The following HERC1 variants were observed in gnomAD, a reference collection of about 807,000 sequenced individuals.
The protein encoded by HERC1 is probable E3 ubiquitin-protein ligase HERC1.
A neutral mutation model predicts 554.3 loss-of-function variants in HERC1; 160 were observed. The observed-to-expected ratio is 0.29, with a 90% CI of 0.25 to 0.33. The LOEUF (loss-of-function observed/expected upper bound fraction) is 0.33. HERC1 is among the 10% of genes least tolerant of loss of function. The pLI is 1.00. For synonymous variants in HERC1, 2,175 were observed against 2,131.7 expected (o/e 1.02, Z -0.56); for missense variants, 4,919 against 5,918.5 (o/e 0.83, Z 5.54).
chr15:63,740,892 G>A (rs542841264), intron 12 of HERC1, among the ~76,000 whole-genome samples: 1 of 152,126 alleles, frequency 6.6e-6, no homozygotes, highest in Non-Finnish European at 1.5e-5. Flanking sequence ...TTTCTTGAAA[G>A]TATCCTTTGA....
At chr15:63,669,400 C>T in intron 40 of HERC1, 138 bp downstream of exon 40, 1 of 754,792 alleles carries the variant, frequency 1.3e-6, no homozygotes, top group Non-Finnish European at 2.2e-6. Flanking sequence ...GATCATAGCT[C>T]AGTTTAATGG....
intron 48 of HERC1, among the ~76,000 whole-genome samples, chr15:63,658,215 G>T (rs1424278541): frequency 6.6e-6 from 1 of 152,148 alleles, no homozygotes; most frequent in Non-Finnish European, 1.5e-5. Flanking sequence ...GGCTGACTTA[G>T]CTACACAGAC....
chr15:63,680,390 T>C lies in HERC1; in HGVS notation c.6465+147A>G. 1.1e-6 allele frequency: 1 copy of C among 918,534 alleles called. No individual in the cohort carries two copies. The highest frequency in any genetic ancestry group is 2.6e-5 in the East Asian group (1 of 37,858). 56.9% of individuals were successfully genotyped at this position (918,534 alleles called of 1,614,324 possible). ...GTTTTACTATCTTCCTGTTTGTTGT[T>C]AATAAATGTTTTAAGAACCAGAAAG... On this transcript the variant is annotated intron_variant, in intron 35 of 77. Coordinates refer to ENST00000443617, the MANE Select transcript of HERC1 (RefSeq NM_003922.4). This position sits in a 1 kb window ranked among gnomAD's most constrained non-coding sequence, Gnocchi z 5.8.
chr15:63,681,616 TA>T (rs1339109627), intron 34 of HERC1, among the ~76,000 whole-genome samples: 1 of 152,008 alleles, frequency 6.6e-6, no homozygotes, highest in Non-Finnish European at 1.5e-5. Flanking sequence ...CCCTACGTGA[TA>T]AAGGTGGCTC....
chr15:63,690,484 G>T, intron 32 of HERC1, 57 bp downstream of exon 32: 2 of 1,086,562 alleles, frequency 1.8e-6, no homozygotes, highest in South Asian at 1.3e-5. Context: ...GTACAGATTT[G>T]GGTGAATCAT....
intron 69 of HERC1, 78 bp downstream of exon 69, chr15:63,630,388 G>C (rs1006437794): frequency 7.2e-7 from 1 of 1,398,308 alleles, no homozygotes; most frequent in African/African-American, 1.4e-5. Flanking sequence ...GAATTTCCTA[G>C]CTTATCTCTT....
intron 1 of HERC1, among the ~76,000 whole-genome samples, chr15:63,812,206 A>G (rs2077345639): frequency 6.6e-6 from 1 of 152,244 alleles, no homozygotes; most frequent in African/African-American, 2.4e-5. Flanking sequence ...CAAATTACAC[A>G]GAAGGAAGCT....
In HERC1 at chr15:63,774,810, A is replaced by G; in HGVS notation, c.814T>C (p.Leu272=). ...RYLLEWIEMA[L]GASAVVHTME... ...GTGTGTACAACTGCCGAAGCCCCCA[A>G]AGCCATTTCTATCCATTCAAGAAGA... Residue 272 remains leucine, a synonymous_variant, in exon 2 of 78, where the codon TTG becomes CTG. Transcript: ENST00000443617. 6.2e-7 allele frequency: 1 copy of G among 1,613,976 alleles called. No individual in the cohort carries two copies. Among genetic ancestry groups the G allele is most frequent in the Non-Finnish European group, 8.5e-7 (1 of 1,179,884 alleles).
rs775984602 is a variant in HERC1 at position 63,692,839 on chromosome 15, A to G, written c.5675-273T>C. Among the ~76,000 whole-genome samples, 2 of 152,176 alleles carry G rather than the reference A, an allele frequency of 1.3e-5. No individual in the cohort carries two copies. The highest frequency in any genetic ancestry group is 2.9e-5 in the Non-Finnish European group (2 of 68,036). On this transcript the variant is annotated intron_variant, in intron 30 of 77. Transcript: ENST00000443617. The surrounding 1 kb of genome is among the most constrained non-coding windows in gnomAD (Gnocchi z 4.7). ...ATAAAGAATTATTGGTGACTAGAGA[A>G]CAGAACAGTCTAGGAAGAAGTCGAG...
At chr15:63,628,470 A>G (rs1008970303) in intron 70 of HERC1, among the ~76,000 whole-genome samples, 2 of 152,202 alleles carry the variant, frequency 1.3e-5, no homozygotes, top group African/African-American at 4.8e-5. Context: ...GAGTGCAGAG[A>G]GGACGTGGTT....
chr15:63,821,857 C>T (rs1333674709), intron 1 of HERC1, among the ~76,000 whole-genome samples: 2 of 151,764 alleles, frequency 1.3e-5, no homozygotes, highest in East Asian at 3.9e-4. Flanking sequence ...GAATAAACAA[C>T]ATATCCAAGG....
intron 8 of HERC1, chr15:63,752,422 T>C (rs1296255105): frequency 2.0e-5 from 3 of 152,182 alleles, no homozygotes; most frequent in East Asian, 1.9e-4. Flanking sequence ...AGAGTGAAAA[T>C]ACGCATGTAA....
In HERC1 at chr15:63,698,734, C is replaced by T. The variant is rs1363543350; in HGVS notation, c.4899G>A (p.Arg1633=). 6.2e-7 allele frequency: 1 copy of T among 1,613,064 alleles called. No homozygotes were observed. Among genetic ancestry groups the T allele is most frequent in the South Asian group, 1.1e-5 (1 of 90,982 alleles). ...SIIAMEQQQL[R]AELRLEALHQ... ...GTAAATATCAAAGACTTACTTCTGC[C>T]CTTAACTGCTGCTGTTCCATTGCAA... Residue 1633 remains arginine, a synonymous_variant, in exon 26 of 78, where the codon AGG becomes AGA. Transcript: ENST00000443617.
intron 60 of HERC1, among the ~76,000 whole-genome samples, 156 bp downstream of exon 60, chr15:63,641,314 C>T (rs1213861429): frequency 1.3e-5 from 2 of 152,198 alleles, no homozygotes; most frequent in Non-Finnish European, 2.9e-5. Flanking sequence ...TGCTGAACAA[C>T]TCTTTTAGGC....
chr15:63,800,605 T>G (rs2076947852), intron 1 of HERC1, among the ~76,000 whole-genome samples: 1 of 152,174 alleles, frequency 6.6e-6, no homozygotes, highest in African/African-American at 2.4e-5. Context: ...CCATGTGAGA[T>G]TAGGTCTCTC....
chr15:63,833,335 C>G (rs911247782), intron 1 of HERC1, among the ~76,000 whole-genome samples: 4 of 152,224 alleles, frequency 2.6e-5, no homozygotes, highest in Non-Finnish European at 5.9e-5. Context: ...AGCCTCCACC[C>G]CGCTAAAGGC....
chr15:63,804,633 G>A (rs1281069697), intron 1 of HERC1, among the ~76,000 whole-genome samples: 1 of 150,806 alleles, frequency 6.6e-6, no homozygotes, highest in African/African-American at 2.4e-5. Context: ...TAGATATGAT[G>A]AACACATACA....
At chr15:63,627,942 T>C (rs1254330974) in intron 70 of HERC1, among the ~76,000 whole-genome samples, 1 of 152,200 alleles carries the variant, frequency 6.6e-6, no homozygotes, top group Non-Finnish European at 1.5e-5. Context: ...AACACAGGAA[T>C]AAAATGGCAG....
chr15:63,657,844 G>A (rs1264268094), intron 48 of HERC1, among the ~76,000 whole-genome samples: 1 of 150,934 alleles, frequency 6.6e-6, no homozygotes, highest in Non-Finnish European at 1.5e-5. Context: ...TTTTTTCTAT[G>A]TGGATAAACC....
Sources: gnomAD v4.1 joint callset for allele counts (sites outside exome capture counted in the v4.1 genomes callset) on GRCh38, gnomAD v4.1.1 for gene constraint, Gnocchi (gnomAD v3.1) non-coding constraint, MANE v1.5 for transcripts, NCBI Gene and HGNC (gene_info 2026-07-23, HGNC 2026-07-21) for gene names.